The following MEGF6 variants were observed in gnomAD, a reference collection of about 807,000 sequenced individuals.
The protein encoded by MEGF6 is multiple EGF like domains 6.
Under a neutral mutation model 207.1 loss-of-function variants are expected in MEGF6, and 184 were observed. That is an observed-to-expected ratio of 0.89 (90% CI 0.79 to 1.00). The LOEUF (loss-of-function observed/expected upper bound fraction) is 1.00, where lower values mean the gene tolerates loss of function less well. Among genes scored for constraint, MEGF6 ranks in the 50% least tolerant of loss-of-function variants. MEGF6 has a pLI of 0.00. For synonymous variants in MEGF6, 1,038 were observed against 910.0 expected (o/e 1.14, Z -2.53); for missense variants, 2,282 against 2,202.9 (o/e 1.04, Z -0.72).
intron 4 of MEGF6, among the ~76,000 whole-genome samples, chr1:3,530,171 A>G (rs1456691087): frequency 6.6e-6 from 1 of 152,188 alleles, no homozygotes; most frequent in Non-Finnish European, 1.5e-5. Context: ...CTGCCTACCC[A>G]GCGAAGATGG....
At chr1:3,536,163 A>G (rs1642321595) in intron 4 of MEGF6, among the ~76,000 whole-genome samples, 2 of 152,126 alleles carry the variant, frequency 1.3e-5, no homozygotes, top group Admixed American at 1.3e-4. Context: ...GCATCCTTCA[A>G]AGACACCAAC....
rs368759724 is a variant in MEGF6, at chr1:3,507,826, G to T, written c.1758C>A (p.Pro586=). ...CDSVTGACRC[P]PGVSGTNCED... is the part of the protein sequence containing the mutation. Reference sequence around the variant, plus strand: ...CACAGTTAGTTCCACTGACACCCGGGGGGCAGCGGCAGGCCCCCGTGACAG... The same window carrying T: ...CACAGTTAGTTCCACTGACACCCGGTGGGCAGCGGCAGGCCCCCGTGACAG... Residue 586 remains proline, a synonymous_variant, in exon 14 of 37, where the codon CCC becomes CCA. Transcript: ENST00000356575. 3 of 1,612,752 alleles carry T rather than the reference G, an allele frequency of 1.9e-6. No homozygotes were observed. Among genetic ancestry groups the T allele is most frequent in the Admixed American group, 1.7e-5 (1 of 59,992 alleles).
chr1:3,557,144 GGGA>G (rs1643059712), intron 4 of MEGF6, among the ~76,000 whole-genome samples: 1 of 152,166 alleles, frequency 6.6e-6, no homozygotes, highest in African/African-American at 2.4e-5. Flanking sequence ...GGAAAAGGCA[GGGA>G]GACGGCAAGA....
At chr1:3,508,949 C>G in intron 12 of MEGF6, 126 bp downstream of exon 12, 1 of 1,208,344 alleles carries the variant, frequency 8.3e-7, no homozygotes, top group Non-Finnish European at 1.1e-6. Flanking sequence ...GGGCCTTGGT[C>G]TAACATGGCA....
intron 4 of MEGF6, chr1:3,531,129 A>T: frequency 4.6e-6 from 7 of 1,529,238 alleles, no homozygotes; most frequent in Non-Finnish European, 6.1e-6. Flanking sequence ...GGCCCAGGTG[A>T]CATGGGTAGC....
rs1640724893 is a variant in MEGF6 at position 3,498,791 on chromosome 1, G to A, written c.3130C>T (p.His1044Tyr). The change falls in exon 25 of 37, where the codon CAT becomes TAT. Residue 1044 changes from histidine (H) to tyrosine (Y), a missense_variant. Coordinates refer to ENST00000356575, the MANE Select transcript of MEGF6 (RefSeq NM_001409.4). ...PAGLYGDNCR[H>Y]SCLCQNGGTC... ...CCTCCGTTCTGGCAGAGGCAGGAAT[G>A]CCGACAGTTGTCGCCGTACAGGCCG... 3 of 1,555,720 alleles carry A rather than the reference G, an allele frequency of 1.9e-6. No homozygotes were observed. Among genetic ancestry groups the A allele is most frequent in the East Asian group, 2.4e-5 (1 of 41,546 alleles).
chr1:3,552,444 C>T (rs1276013648), intron 4 of MEGF6, among the ~76,000 whole-genome samples: 1 of 152,272 alleles, frequency 6.6e-6, no homozygotes, highest in African/African-American at 2.4e-5. Context: ...CGCCCGTAAT[C>T]CCAGCACTCT....
At chr1:3,531,286 C>A (rs1203009402) in intron 4 of MEGF6, 2 of 1,298,564 alleles carry the variant, frequency 1.5e-6, no homozygotes, top group Non-Finnish European at 1.9e-6. Flanking sequence ...GAGGACCAAC[C>A]GCGCTGCGCC....
chr1:3,490,371 C>T lies in MEGF6; in HGVS notation c.*157G>A, dbSNP rs1014392233. The T allele has an allele frequency of 4.8e-5, 37 of 776,088 alleles. No homozygotes were observed. The highest frequency in any genetic ancestry group is 6.3e-5 in the Non-Finnish European group (31 of 489,972). The allele number at this position is 776,088 out of a possible 1,614,324, so 48.1% of individuals were successfully genotyped here. On this transcript the variant is annotated 3_prime_UTR_variant, in exon 37 of 37. Transcript: ENST00000356575. ...TCAAGGCCACACCAGCCTCCAAGAG[C>T]GACAGGTTGCTGGGCTGTCCACAGC...
chr1:3,559,432 G>A (rs1643125288), intron 4 of MEGF6, among the ~76,000 whole-genome samples: 1 of 151,024 alleles, frequency 6.6e-6, no homozygotes, highest in African/African-American at 2.4e-5. Context: ...TGAGACAGGA[G>A]GATCATGTGA....
Position 3,560,757 on chromosome 1 carries a change from C to T in MEGF6, c.481+19068G>A. 1 of 471,746 alleles carries T rather than the reference C, an allele frequency of 2.1e-6. No individual in the cohort carries two copies. Among genetic ancestry groups the T allele is most frequent in the South Asian group, 1.6e-5 (1 of 63,996 alleles). 29.2% of individuals were successfully genotyped at this position (471,746 alleles called of 1,614,324 possible). A position where few individuals can be genotyped will look rare whatever the true frequency, so the allele number is the denominator to read the frequency against. ...TAGAAACGGTCAGACTGGCCCCACC[C>T]ACTCTGGATTTCCAGGGTCACCCGG... On this transcript the variant is annotated intron_variant, in intron 4 of 36. Coordinates refer to ENST00000356575, the MANE Select transcript of MEGF6 (RefSeq NM_001409.4). This position sits in a 1 kb window ranked among gnomAD's most constrained non-coding sequence, Gnocchi z 4.0.
At chr1:3,580,067 A>T in intron 3 of MEGF6, 138 bp from the exon 4 acceptor site, 1 of 593,878 alleles carries the variant, frequency 1.7e-6, no homozygotes, top group Non-Finnish European at 2.9e-6. Context: ...CCTAGGTCAC[A>T]CATTGCCCGG....
At chr1:3,601,353 A>ATGC (rs1356340388) in intron 2 of MEGF6, among the ~76,000 whole-genome samples, 1 of 152,258 alleles carries the variant, frequency 6.6e-6, no homozygotes, top group Non-Finnish European at 1.5e-5. Flanking sequence ...TGACATCCAC[A>ATGC]GGGCAGGCCC....
At position 3,502,880 on chromosome 1, in the gene MEGF6, C is replaced by G. The variant is rs183224174; in HGVS notation, c.2189-959G>C. ...GGCTAGCCGGGAGCTCGGGTAGCAGCGAAGCCTCCCTGCCTCCCCCAGCGA... is the reference window on the plus strand; with the variant it reads ...GGCTAGCCGGGAGCTCGGGTAGCAGGGAAGCCTCCCTGCCTCCCCCAGCGA... On this transcript the variant is annotated intron_variant, in intron 17 of 36. Coordinates refer to ENST00000356575, the MANE Select transcript of MEGF6 (RefSeq NM_001409.4). 2.0e-5 allele frequency among the ~76,000 whole-genome samples: 3 copies of G among 152,320 alleles called. No homozygotes were observed. The East Asian group carries it at 5.8e-4, about 29-fold the overall frequency.
Position 3,493,812 on chromosome 1 carries a change from C to T in MEGF6, c.4346G>A (p.Cys1449Tyr), listed in dbSNP as rs1391794969. The change falls in exon 34 of 37, where the codon TGC (cysteine) becomes TAC (tyrosine). Residue 1449 changes from cysteine to tyrosine, a missense_variant. Cys to Tyr is a radical substitution (Grantham distance 194). Coordinates refer to ENST00000356575, the MANE Select transcript of MEGF6 (RefSeq NM_001409.4). ...TCCTGAGCGCCCTGGTGGGCAAAGGCAGAGACCGGTGACAGGGTCACAGGG... is the reference window on the plus strand; with the variant it reads ...TCCTGAGCGCCCTGGTGGGCAAAGGTAGAGACCGGTGACAGGGTCACAGGG... Reference protein sequence around the residue: ...GAPCDPVTGLCLCPPGRSGAT... With the variant: ...GAPCDPVTGLYLCPPGRSGAT... The T allele has an allele frequency of 1.2e-6, 2 of 1,610,620 alleles. No individual in the cohort carries two copies. The highest frequency in any genetic ancestry group is 1.7e-6 in the Non-Finnish European group (2 of 1,179,006).
chr1:3,505,189 C>T lies in MEGF6; in HGVS notation c.2188+19G>A. ...CCCCACAATGAGACTGCCGGGAGCC[C>T]CAGGGGCCGGCCACTCACCTTGGCC... On this transcript the variant is annotated intron_variant, in intron 17 of 36. Coordinates refer to ENST00000356575, the MANE Select transcript of MEGF6 (RefSeq NM_001409.4). 1.2e-6 allele frequency: 2 copies of T among 1,609,638 alleles called. No individual in the cohort carries two copies.
intron 17 of MEGF6, among the ~76,000 whole-genome samples, chr1:3,502,871 G>A (rs1026260652): frequency 6.6e-5 from 10 of 152,150 alleles, no homozygotes; most frequent in African/African-American, 2.4e-4. Context: ...CCGGGAGCTC[G>A]GGTAGCAGCG....
At chr1:3,617,774 G>A in the MEGF6 span, among the ~76,000 whole-genome samples, 1 of 152,276 alleles carries the variant, frequency 6.6e-6, no homozygotes, top group Non-Finnish European at 1.5e-5. Context: ...CCTTGTAAGA[G>A]AAAGCAGAGG....
At chr1:3,542,304 C>T (rs1181549750) in intron 4 of MEGF6, among the ~76,000 whole-genome samples, 1 of 152,280 alleles carries the variant, frequency 6.6e-6, no homozygotes, top group Non-Finnish European at 1.5e-5. Flanking sequence ...ATTACATTGT[C>T]ACTGTGGTCT....
Sources: gnomAD v4.1 joint callset for allele counts (sites outside exome capture counted in the v4.1 genomes callset) on GRCh38, gnomAD v4.1.1 for gene constraint, Gnocchi (gnomAD v3.1) non-coding constraint, MANE v1.5 for transcripts, NCBI Gene and HGNC (gene_info 2026-07-23, HGNC 2026-07-21) for gene names.